C20orf144: variants seen among roughly 807,000 people sequenced by gnomAD.
C20orf144 encodes the protein uncharacterized protein C20orf144.
In C20orf144, 8 loss-of-function variants were observed where a neutral mutation model predicts 3.8. The ratio of observed to expected loss-of-function variants is 2.11; its 90% CI spans 1.24 to 3.80. The LOEUF (loss-of-function observed/expected upper bound fraction) is 3.80. Among genes scored for constraint, C20orf144 ranks in the 30% most tolerant of loss-of-function variants. The pLI is 0.00. For synonymous variants in C20orf144, 126 were observed against 104.1 expected (o/e 1.21, Z -1.28); for missense variants, 289 against 224.5 (o/e 1.29, Z -1.83).
chr20:33,663,078 A>G (rs1424661378), intron 1 of C20orf144, among the ~76,000 whole-genome samples: 4 of 152,166 alleles, frequency 2.6e-5, no homozygotes, highest in Non-Finnish European at 5.9e-5. Flanking sequence ...CAACACGGAG[A>G]ATCAGTTCTA....
Position 33,663,690 on chromosome 20 carries a change from A to G in C20orf144, c.285A>G (p.Val95=), listed in dbSNP as rs1435728951. ...EGSEREPRMP[V]LLLLRRQEAR... is the part of the protein sequence containing the mutation. The stretch of plus-strand genomic sequence containing the variant: ...GCGAGCGCGAGCCGAGGATGCCGGT[A>G]CTGCTGCTGCTGCGGCGGCAAGAGG... The change falls in exon 2 of 2, where the codon GTA becomes GTG. Residue 95 remains valine, a synonymous_variant. Coordinates refer to ENST00000375222, the MANE Select transcript of C20orf144 (RefSeq NM_080825.4). 2 of 1,580,006 alleles carry G rather than the reference A, an allele frequency of 1.3e-6. No individual in the cohort carries two copies. The highest frequency in any genetic ancestry group is 2.3e-5 in the East Asian group (1 of 43,166).
Position 33,662,452 on chromosome 20 carries a change from T to C in C20orf144, c.107T>C (p.Leu36Pro), listed in dbSNP as rs909320290. Residue 36 changes from leucine (L) to proline (P), a missense_variant, in exon 1 of 2, where the codon CTC becomes CCC. Leu to Pro is a moderately conservative substitution (Grantham distance 98). Coordinates refer to ENST00000375222, the MANE Select transcript of C20orf144 (RefSeq NM_080825.4). ...TGGTGGAAATCGTTCCTCAACCACCTCACTCGGAAGAAGCCGGCTGTGAGG... is the reference window on the plus strand; with the variant it reads ...TGGTGGAAATCGTTCCTCAACCACCCCACTCGGAAGAAGCCGGCTGTGAGG... ...KAWWKSFLNH[L>P]TRKKPATRIV... 1 of 1,551,628 alleles carries C rather than the reference T, an allele frequency of 6.4e-7. No homozygotes were observed. Among genetic ancestry groups the C allele is most frequent in the East Asian group, 2.4e-5 (1 of 40,986 alleles).
chr20:33,663,001 T>C (rs1202351063), intron 1 of C20orf144, among the ~76,000 whole-genome samples: 4 of 152,132 alleles, frequency 2.6e-5, no homozygotes, highest in Admixed American at 1.3e-4. Flanking sequence ...TGGATGAGAC[T>C]TGAGAGCCCC....
chr20:33,663,633 G>T lies in C20orf144; in HGVS notation c.228G>T (p.Ala76=). The T allele has an allele frequency of 6.2e-7, 1 of 1,608,126 alleles. No homozygotes were observed. The part of the protein sequence containing the change: ...YASGAGLGSP[A]APRLRGAGEG... ...CCGGCGCTGGGCTGGGCTCCCCGGCGGCACCCAGATTGCGCGGAGCGGGCG... is the reference window on the plus strand; with the variant it reads ...CCGGCGCTGGGCTGGGCTCCCCGGCTGCACCCAGATTGCGCGGAGCGGGCG... The change falls in exon 2 of 2, where the codon GCG becomes GCT. Residue 76 remains alanine (A), a synonymous_variant. Transcript: ENST00000375222.
Position 33,663,801 on chromosome 20 carries a change from C to T in C20orf144, c.396C>T (p.Pro132=), listed in dbSNP as rs756999476. The T allele has an allele frequency of 2.8e-6, 4 of 1,418,668 alleles. No individual in the cohort carries two copies. The highest frequency in any genetic ancestry group is 3.6e-6 in the Non-Finnish European group (4 of 1,097,034). The allele number at this position is 1,418,668 out of a possible 1,614,324, so 87.9% of individuals were successfully genotyped here. ...GCTTCCGGTCCCCGGGGAAGGCTCC[C>T]CGCGAAGCCGGCCCCGCCGAGGAGC... The part of the protein sequence containing the change: ...LSRFRSPGKA[P]REAGPAEEQP... Residue 132 remains proline, a synonymous_variant, in exon 2 of 2, where the codon CCC becomes CCT. Coordinates refer to ENST00000375222, the MANE Select transcript of C20orf144 (RefSeq NM_080825.4).
At position 33,663,782 on chromosome 20, in the gene C20orf144, G is replaced by C. The variant is rs529965841; in HGVS notation, c.377G>C (p.Arg126Pro). The C allele has an allele frequency of 5.7e-6, 8 of 1,415,046 alleles. No homozygotes were observed. In the African/African-American group the frequency reaches 7.6e-5, roughly 13 times the overall value. 87.7% of individuals were successfully genotyped at this position (1,415,046 alleles called of 1,614,324 possible). A position where few individuals can be genotyped will look rare whatever the true frequency, so the allele number is the denominator to read the frequency against. The change falls in exon 2 of 2, where the codon CGG (arginine) becomes CCG (proline). Residue 126 changes from arginine (R) to proline (P), a missense_variant. Coordinates refer to ENST00000375222, the MANE Select transcript of C20orf144 (RefSeq NM_080825.4). ...LSWPRLLSRFRSPGKAPREAG... is the reference protein window; with the variant it reads ...LSWPRLLSRFPSPGKAPREAG... ...TGGCCGCGGCTGCTCTCGCGCTTCC[G>C]GTCCCCGGGGAAGGCTCCCCGCGAA...
intron 1 of C20orf144, among the ~76,000 whole-genome samples, chr20:33,663,077 G>C (rs762741415): frequency 6.6e-6 from 1 of 152,218 alleles, no homozygotes; most frequent in Non-Finnish European, 1.5e-5. Flanking sequence ...CCAACACGGA[G>C]AATCAGTTCT....
At chr20:33,663,008 C>T (rs890865576) in intron 1 of C20orf144, among the ~76,000 whole-genome samples, 1 of 152,170 alleles carries the variant, frequency 6.6e-6, no homozygotes, top group Non-Finnish European at 1.5e-5. Context: ...GACTTGAGAG[C>T]CCCGGGGGGT....
Position 33,663,685 on chromosome 20 carries a change from C to T in C20orf144, c.280C>T (p.Pro94Ser). The change falls in exon 2 of 2, where the codon CCG becomes TCG. Residue 94 changes from proline (P) to serine (S), a missense_variant. Pro to Ser is a moderately conservative substitution (Grantham distance 74, BLOSUM62 -1). Coordinates refer to ENST00000375222, the MANE Select transcript of C20orf144 (RefSeq NM_080825.4). ...GEGSEREPRM[P>S]VLLLLRRQEA... ...AGGTAGCGAGCGCGAGCCGAGGATG[C>T]CGGTACTGCTGCTGCTGCGGCGGCA... 1.9e-6 allele frequency: 3 copies of T among 1,584,456 alleles called. No individual in the cohort carries two copies. Among genetic ancestry groups the T allele is most frequent in the Non-Finnish European group, 1.7e-6 (2 of 1,171,446 alleles).
rs2017568767 is a variant in C20orf144 at position 33,663,781 on chromosome 20, CG to C, written c.378del (p.Ser127ProfsTer?). The stretch of plus-strand genomic sequence containing the variant: ...CTGGCCGCGGCTGCTCTCGCGCTTC[CG>C]GTCCCCGGGGAAGGCTCCCCGCGAA... ...LSWPRLLSRF[R>X]SPGKAPREAG... is the part of the protein sequence containing the mutation. On this transcript the variant is annotated frameshift_variant, in exon 2 of 2. Coordinates refer to ENST00000375222, the MANE Select transcript of C20orf144 (RefSeq NM_080825.4). LOFTEE classifies it low-confidence loss of function (END_TRUNC). 7.0e-7 allele frequency: 1 copy of C among 1,432,222 alleles called. No homozygotes were observed. The highest frequency in any genetic ancestry group is 2.9e-5 in the East Asian group (1 of 34,514). 88.7% of individuals were successfully genotyped at this position (1,432,222 alleles called of 1,614,324 possible). A position where few individuals can be genotyped will look rare whatever the true frequency, so the allele number is the denominator to read the frequency against.
Position 33,663,784 on chromosome 20 carries a change from T to A in C20orf144, c.379T>A (p.Ser127Thr), listed in dbSNP as rs1182495362. The change falls in exon 2 of 2, where the codon TCC becomes ACC. Residue 127 changes from serine to threonine, a missense_variant. By Grantham distance (58) the Ser-to-Thr change is moderately conservative (BLOSUM62 1). Transcript: ENST00000375222. ...GCCGCGGCTGCTCTCGCGCTTCCGG[T>A]CCCCGGGGAAGGCTCCCCGCGAAGC... ...SWPRLLSRFR[S>T]PGKAPREAGP... 7.2e-7 allele frequency: 1 copy of A among 1,397,582 alleles called. No individual in the cohort carries two copies. Among genetic ancestry groups the A allele is most frequent in the South Asian group, 1.5e-5 (1 of 68,130 alleles). 86.6% of individuals were successfully genotyped at this position (1,397,582 alleles called of 1,614,324 possible).
In C20orf144 at chr20:33,663,694, C is replaced by G; in HGVS notation, c.289C>G (p.Leu97Val). ...GCGCGAGCCGAGGATGCCGGTACTG[C>G]TGCTGCTGCGGCGGCAAGAGGCGCG... ...SEREPRMPVL[L>V]LLRRQEARRP... The change falls in exon 2 of 2, where the codon CTG becomes GTG. Residue 97 changes from leucine (L) to valine (V), a missense_variant. Transcript: ENST00000375222. 2 of 1,575,520 alleles carry G rather than the reference C, an allele frequency of 1.3e-6. No individual in the cohort carries two copies. The highest frequency in any genetic ancestry group is 1.7e-6 in the Non-Finnish European group (2 of 1,167,422).
Position 33,663,785 on chromosome 20 carries a change from C to T in C20orf144, c.380C>T (p.Ser127Phe). 4 of 1,426,902 alleles carry T rather than the reference C, an allele frequency of 2.8e-6. No individual in the cohort carries two copies. The highest frequency in any genetic ancestry group is 5.9e-5 in the Admixed American group (2 of 33,660). The allele number at this position is 1,426,902 out of a possible 1,614,324, so 88.4% of individuals were successfully genotyped here. The change falls in exon 2 of 2, where the codon TCC becomes TTC. Residue 127 changes from serine to phenylalanine, a missense_variant. By Grantham distance (155) the Ser-to-Phe change is radical. Transcript: ENST00000375222. ...CCGCGGCTGCTCTCGCGCTTCCGGT[C>T]CCCGGGGAAGGCTCCCCGCGAAGCC... Reference protein sequence around the residue: ...SWPRLLSRFRSPGKAPREAGP... With the variant: ...SWPRLLSRFRFPGKAPREAGP...
chr20:33,663,678 G>A lies in C20orf144; in HGVS notation c.273G>A (p.Pro91=), dbSNP rs754114109. ...CGGGCGAAGGTAGCGAGCGCGAGCC[G>A]AGGATGCCGGTACTGCTGCTGCTGC... ...RGAGEGSERE[P]RMPVLLLLRR... The change falls in exon 2 of 2, where the codon CCG becomes CCA. Residue 91 remains proline, a synonymous_variant. Coordinates refer to ENST00000375222, the MANE Select transcript of C20orf144 (RefSeq NM_080825.4). 6.3e-7 allele frequency: 1 copy of A among 1,588,536 alleles called. No individual in the cohort carries two copies. Among genetic ancestry groups the A allele is most frequent in the Non-Finnish European group, 8.5e-7 (1 of 1,173,266 alleles).
intron 1 of C20orf144, chr20:33,662,798 TGTG>T (rs971177670): frequency 7.2e-6 from 2 of 278,902 alleles, no homozygotes; most frequent in African/African-American, 4.5e-5. Flanking sequence ...CTTAGCTGGT[TGTG>T]GTGGTGAATG....
At position 33,663,857 on chromosome 20, in the gene C20orf144, C is replaced by G. The variant is rs2017574454; in HGVS notation, c.452C>G (p.Pro151Arg). The G allele has an allele frequency of 7.1e-7, 1 of 1,401,464 alleles. No homozygotes were observed. The allele number at this position is 1,401,464 out of a possible 1,614,324, so 86.8% of individuals were successfully genotyped here. The change falls in exon 2 of 2, where the codon CCG becomes CGG. Residue 151 changes from proline (P) to arginine (R), a missense_variant. Physicochemically the swap from Pro to Arg is moderately radical, Grantham distance 103. Coordinates refer to ENST00000375222, the MANE Select transcript of C20orf144 (RefSeq NM_080825.4). ...CGCAAACGGTGCCGCTGCCCTCGCC[C>G]GCAGCTTTAAACGCTTGGCCCGGAC... ...QPRKRCRCPRPQL is the reference protein window; with the variant it reads ...QPRKRCRCPRRQL
chr20:33,663,602 A>G lies in C20orf144; in HGVS notation c.197A>G (p.Tyr66Cys). Residue 66 changes from tyrosine (Y) to cysteine (C), a missense_variant, in exon 2 of 2, where the codon TAC becomes TGC. Physicochemically the swap from Tyr to Cys is radical, Grantham distance 194 (BLOSUM62 -2). Coordinates refer to ENST00000375222, the MANE Select transcript of C20orf144 (RefSeq NM_080825.4). ...PLANAGQRID[Y>C]ASGAGLGSPA... ...GCCAACGCTGGGCAACGGATTGACT[A>G]CGCGTCCGGCGCTGGGCTGGGCTCC... 1 of 1,610,968 alleles carries G rather than the reference A, an allele frequency of 6.2e-7. No individual in the cohort carries two copies. Among genetic ancestry groups the G allele is most frequent in the Non-Finnish European group, 8.5e-7 (1 of 1,179,654 alleles).
Position 33,663,515 on chromosome 20 carries a change from C to T in C20orf144, c.127-17C>T, listed in dbSNP as rs1601159818. 6 of 1,605,274 alleles carry T rather than the reference C, an allele frequency of 3.7e-6. No individual in the cohort carries two copies. In the East Asian group the frequency reaches 9.0e-5, roughly 24 times the overall value. ...CCTAGCGCGCTCTCCCGCCTCACGC[C>T]CCTGTTCCACCCCCAGACCAGGATC... On this transcript the variant is annotated splice_polypyrimidine_tract_variant and intron_variant, in intron 1 of 1. Transcript: ENST00000375222.
chr20:33,663,271 G>A (rs1426829637), intron 1 of C20orf144: 3 of 545,802 alleles, frequency 5.5e-6, no homozygotes, highest in Non-Finnish European at 9.6e-6. Context: ...GACGGAGCTG[G>A]TCTCAGGAAG....
Sources: allele counts gnomAD v4.1 joint callset (sites outside exome capture counted in the v4.1 genomes callset), GRCh38; gene constraint gnomAD v4.1.1; transcripts MANE v1.5; gene names NCBI Gene and HGNC (gene_info 2026-07-23, HGNC 2026-07-21).